Variants in ZNF75D observed in about 807,000 individuals in gnomAD.
The protein encoded by ZNF75D is zinc finger protein 75D.
ZNF75D carries 33 observed loss-of-function variants against 33.3 expected under a neutral mutation model. The ratio of observed to expected loss-of-function variants is 0.99; its 90% CI spans 0.75 to 1.32. The LOEUF is 1.32. ZNF75D is among the 40% of genes most tolerant of loss of function. ZNF75D has a pLI of 0.00. For missense variants in ZNF75D, 338 were observed against 367.5 expected (o/e 0.92, Z 0.66); for synonymous variants, 113 against 130.6 (o/e 0.87, Z 0.92).
intron 1 of ZNF75D, among the ~76,000 whole-genome samples, chrX:135,305,992 A>C (rs781857071): frequency 9.0e-6 from 1 of 111,312 alleles, no homozygotes; most frequent in Non-Finnish European, 1.9e-5. Flanking sequence ...TGTGGTATAG[A>C]GATGGGTCAA....
At chrX:135,340,042 T>C (rs1249348185) in intron 1 of ZNF75D, among the ~76,000 whole-genome samples, 1 of 112,697 alleles carries the variant, frequency 8.9e-6, no homozygotes, top group Non-Finnish European at 1.9e-5. Flanking sequence ...ACAGTTGTGA[T>C]TCACTTTATG....
chrX:135,319,254 T>C (rs1194901327), intron 1 of ZNF75D, among the ~76,000 whole-genome samples: 1 of 112,834 alleles, frequency 8.9e-6, no homozygotes, highest in Non-Finnish European at 1.9e-5. Flanking sequence ...CTTGTTTCTG[T>C]CCTTGCGAAG....
At chrX:135,256,634 C>T (rs1054446316) in intron 1 of ZNF75D, among the ~76,000 whole-genome samples, 3 of 111,494 alleles carry the variant, frequency 2.7e-5, no homozygotes, top group African/African-American at 6.5e-5. Flanking sequence ...TCAGGTGGCA[C>T]GTGACCTAGG....
intron 1 of ZNF75D, among the ~76,000 whole-genome samples, chrX:135,276,058 G>A (rs2083898323): frequency 9.0e-6 from 1 of 111,604 alleles, no homozygotes; most frequent in Admixed American, 9.5e-5. Flanking sequence ...GACAGCAAAA[G>A]GGTAAAAATT....
At chrX:135,325,067 A>G (rs1396978430) in intron 1 of ZNF75D, among the ~76,000 whole-genome samples, 1 of 110,365 alleles carries the variant, frequency 9.1e-6, no homozygotes, top group African/African-American at 3.3e-5. Flanking sequence ...AAACAACCCT[A>G]CTGATGAGAC....
In ZNF75D at chrX:135,293,910, C is replaced by A; in HGVS notation, c.231G>T (p.Trp77Cys). Residue 77 changes from tryptophan (W) to cysteine (C), a missense_variant, in exon 3 of 7, where the codon TGG becomes TGT. Physicochemically the swap from Trp to Cys is radical, Grantham distance 215. Transcript: ENST00000370766. Reference sequence around the variant, plus strand: ...CTTTTGAGTGGATCTCTGGCCTCAGCCACTGATGGCACAATTTCTGAAGTT... The same window carrying A: ...CTTTTGAGTGGATCTCTGGCCTCAGACACTGATGGCACAATTTCTGAAGTT... ...ISQLQKLCHQ[W>C]LRPEIHSKEQ... 1.7e-6 allele frequency: 2 copies of A among 1,211,092 alleles called. No individual in the cohort carries two copies. The highest frequency in any genetic ancestry group is 2.2e-6 in the Non-Finnish European group (2 of 894,903).
chrX:135,301,463 C>T (rs1007468188), intron 1 of ZNF75D, among the ~76,000 whole-genome samples: 1 of 111,717 alleles, frequency 9.0e-6, no homozygotes, highest in Non-Finnish European at 1.9e-5. Flanking sequence ...AAAGTCTCAC[C>T]TGAGACAAGA....
chrX:135,263,318 A>T (rs2083850173), intron 1 of ZNF75D, among the ~76,000 whole-genome samples: 2 of 112,611 alleles, frequency 1.8e-5, no homozygotes, highest in South Asian at 7.3e-4. Flanking sequence ...GAGCTCAAAC[A>T]CTGTGCTGGG....
intron 1 of ZNF75D, among the ~76,000 whole-genome samples, chrX:135,310,458 G>A (rs1556427531): frequency 2.7e-5 from 3 of 112,219 alleles, no homozygotes; most frequent in African/African-American, 9.7e-5. Context: ...GACAGGGAGA[G>A]CAAAGAGGTC....
In ZNF75D at chrX:135,287,063, T is replaced by A; in HGVS notation, c.*74A>T. ...CCCAAATGTTTTATTAATCACAGAT[T>A]CCTATCATTGGGTGCCTCATAATTT... On this transcript the variant is annotated 3_prime_UTR_variant, in exon 7 of 7. Coordinates refer to ENST00000370766, the MANE Select transcript of ZNF75D (RefSeq NM_007131.5). 1 of 845,748 alleles carries A rather than the reference T, an allele frequency of 1.2e-6. No homozygotes were observed. Among genetic ancestry groups the A allele is most frequent in the Non-Finnish European group, 1.7e-6 (1 of 584,741 alleles). 69.7% of individuals were successfully genotyped at this position (845,748 alleles called of 1,213,427 possible). A position where few individuals can be genotyped will look rare whatever the true frequency, so the allele number is the denominator to read the frequency against.
rs150465060 is a variant in ZNF75D, at chrX:135,277,431, A to G, written n.828-21654T>C. Among the ~76,000 whole-genome samples the G allele has an allele frequency of 2.4e-3, 263 of 111,902 alleles. 1 individual carries two copies. Among genetic ancestry groups the G allele is most frequent in the African/African-American group, 7.6e-3 (235 of 30,823 alleles). ...GATTGTAAAAATTTTCTCCCATTCT[A>G]TAGGATGCCGGTTCACTCTGATGAT... On this transcript the variant is annotated intron_variant and non_coding_transcript_variant, in intron 1 of 3. Coordinates refer to the ZNF75D transcript ENST00000494295.
rs188702531 is a variant in ZNF75D at position 135,326,010 on chromosome X, A to G, written c.-391+15758T>C. On this transcript the variant is annotated intron_variant, in intron 1 of 6. Coordinates refer to ENST00000370766, the MANE Select transcript of ZNF75D (RefSeq NM_007131.5). ...CCTGTGTCTAGCTCAGGGTTTGTGAATGCACCAATCGACACTCTGTATCTA... is the reference window on the plus strand; with the variant it reads ...CCTGTGTCTAGCTCAGGGTTTGTGAGTGCACCAATCGACACTCTGTATCTA... 9.6e-5 allele frequency among the ~76,000 whole-genome samples: 10 copies of G among 104,139 alleles called. No individual in the cohort carries two copies. The East Asian group carries it at 1.6e-3, about 16-fold the overall frequency. 90.4% of individuals were successfully genotyped at this position (104,139 alleles called of 115,157 possible). A position where few individuals can be genotyped will look rare whatever the true frequency, so the allele number is the denominator to read the frequency against.
chrX:135,292,176 T>C, intron 4 of ZNF75D, 105 bp downstream of exon 4: 2 of 816,137 alleles, frequency 2.5e-6, no homozygotes, highest in Non-Finnish European at 3.6e-6. Context: ...GGAGACATCA[T>C]AGCTGCTAGC....
intron 1 of ZNF75D, among the ~76,000 whole-genome samples, chrX:135,260,898 C>G (rs2083838187): frequency 9.0e-6 from 1 of 111,661 alleles, no homozygotes; most frequent in Non-Finnish European, 1.9e-5. Flanking sequence ...GTTAGGGTGT[C>G]GATTTTATCT....
intron 1 of ZNF75D, among the ~76,000 whole-genome samples, chrX:135,270,791 G>T (rs1402251474): frequency 9.0e-6 from 1 of 111,361 alleles, no homozygotes. Flanking sequence ...TCCCACTCTT[G>T]TTACCCAAAG....
intron 1 of ZNF75D, among the ~76,000 whole-genome samples, chrX:135,334,640 C>CT (rs2084689432): frequency 9.0e-6 from 1 of 110,821 alleles, no homozygotes; most frequent in Admixed American, 9.5e-5. Flanking sequence ...CCTACTCTCT[C>CT]TCACTCCACT....
At chrX:135,315,664 A>G (rs1238660632) in intron 1 of ZNF75D, among the ~76,000 whole-genome samples, 1 of 111,516 alleles carries the variant, frequency 9.0e-6, no homozygotes, top group Non-Finnish European at 1.9e-5. Flanking sequence ...TGCTGGTTTG[A>G]TCCCTTTATC....
At position 135,294,028 on chromosome X, in the gene ZNF75D, G is replaced by A. The variant is rs782187473; in HGVS notation, c.113C>T (p.Thr38Ile). The A allele has an allele frequency of 7.4e-6, 9 of 1,211,634 alleles. No homozygotes were observed. The highest frequency in any genetic ancestry group is 7.8e-6 in the Non-Finnish European group (7 of 895,296). ...CTCAGGACCAAGATTCTCTATTTTT[G>A]TGCTGTATTTCTTACTCTGACTGGA... Reference protein sequence around the residue: ...ENSSQSKKYSTKIENLGPESA... With the variant: ...ENSSQSKKYSIKIENLGPESA... The change falls in exon 3 of 7, where the codon ACA becomes ATA. Residue 38 changes from threonine (T) to isoleucine (I), a missense_variant. This residue lies in a region of ZNF75D where 254 missense variants were observed against 267.7 expected (regional missense o/e 0.95). Coordinates refer to ENST00000370766, the MANE Select transcript of ZNF75D (RefSeq NM_007131.5).
chrX:135,322,625 G>C (rs2084510982), intron 1 of ZNF75D, among the ~76,000 whole-genome samples: 1 of 112,210 alleles, frequency 8.9e-6, no homozygotes, highest in African/African-American at 3.2e-5. Context: ...TAAAGGACCT[G>C]TTTTAATTTA....
Sources: gnomAD v4.1 joint callset for allele counts (sites outside exome capture counted in the v4.1 genomes callset) on GRCh38, gnomAD v4.1.1 for gene constraint, gnomAD v4.1.1 regional missense constraint, MANE v1.5 for transcripts, NCBI Gene and HGNC (gene_info 2026-07-23, HGNC 2026-07-21) for gene names.